The following ATF6B variants were observed in gnomAD, a reference collection of about 807,000 sequenced individuals.
The protein encoded by ATF6B is activating transcription factor 6 beta.
A neutral mutation model predicts 83.5 loss-of-function variants in ATF6B; 50 were observed. The observed-to-expected ratio is 0.60, with a 90% confidence interval of 0.48 to 0.76. The LOEUF is 0.76. ATF6B is among the 30% of genes least tolerant of loss of function. The pLI, the probability that ATF6B is intolerant of heterozygous loss-of-function variation, is 0.00. For synonymous variants in ATF6B, 344 were observed against 362.8 expected (o/e 0.95, Z 0.59); for missense variants, 790 against 893.8 (o/e 0.88, Z 1.48).
chr6:32,128,031 C>G, intron 1 of ATF6B, 86 bp downstream of exon 1: 1 of 1,525,994 alleles, frequency 6.6e-7, no homozygotes, highest in Non-Finnish European at 9.0e-7. Context: ...CCGTATTTGC[C>G]CAGACTTCCT....
rs1192241410 is a variant in ATF6B at position 32,117,865 on chromosome 6, C to G, written c.1418G>C (p.Ser473Thr). The change falls in exon 12 of 18, where the codon AGT becomes ACT. Residue 473 changes from serine (S) to threonine (T), a missense_variant. Ser to Thr is a moderately conservative substitution (Grantham distance 58). This residue lies in a region of ATF6B where 530 missense variants were observed against 632.6 expected (regional missense o/e 0.84). Coordinates refer to ENST00000375203, the MANE Select transcript of ATF6B (RefSeq NM_004381.5). The surrounding 1 kb of genome is among the most constrained non-coding windows in gnomAD (Gnocchi z 5.0). ...CCTCTCTCTCTCTCCTCACCTGAAA[C>G]TGGGCTGGTCTGTGGGGCTGGGCTG... ...EPQPSPTDQP[S>T]FSNLTAFPGG... 6.4e-7 allele frequency: 1 copy of G among 1,563,026 alleles called. No individual in the cohort carries two copies. The highest frequency in any genetic ancestry group is 8.6e-7 in the Non-Finnish European group (1 of 1,158,028).
intron 1 of ATF6B, 158 bp from the exon 2 acceptor site, chr6:32,127,908 C>T (rs1582541240): frequency 7.9e-6 from 8 of 1,017,984 alleles, no homozygotes; most frequent in African/African-American, 1.6e-5. Context: ...CCCTCCTTCC[C>T]CGACCCCGGA....
intron 5 of ATF6B, among the ~76,000 whole-genome samples, chr6:32,121,907 G>C (rs1398041180): frequency 1.3e-5 from 2 of 152,054 alleles, no homozygotes; most frequent in African/African-American, 4.8e-5. Context: ...CCTGCTCCAT[G>C]TTCCTCAAAG....
In ATF6B at chr6:32,126,097, G is replaced by A. The variant is rs770140847; in HGVS notation, c.478+20C>T. On this transcript the variant is annotated intron_variant, in intron 5 of 17. Transcript: ENST00000375203. ...TCTCCCGTAGTAGAGCCAAGGATTG[G>A]GGGCAGGCTGTTTTATTACCTGAGG... 4 of 1,613,794 alleles carry A rather than the reference G, an allele frequency of 2.5e-6. No homozygotes were observed. In the African/African-American group the frequency reaches 5.3e-5, roughly 22 times the overall value.
Position 32,125,735 on chromosome 6 carries a change from C to T in ATF6B, c.478+382G>A, listed in dbSNP as rs375325822. Among the ~76,000 whole-genome samples, 1 of 151,984 alleles carries T rather than the reference C, an allele frequency of 6.6e-6. No individual in the cohort carries two copies. Among genetic ancestry groups the T allele is most frequent in the Non-Finnish European group, 1.5e-5 (1 of 68,004 alleles). ...GAGACCACACCACTGCACTTCAGCC[C>T]GAGCGACAGTGTGAGACTCTGTCTC... On this transcript the variant is annotated intron_variant, in intron 5 of 17. Transcript: ENST00000375203. The surrounding 1 kb of genome is among the most constrained non-coding windows in gnomAD (Gnocchi z 4.1).
chr6:32,128,069 G>A, intron 1 of ATF6B, 48 bp downstream of exon 1: 2 of 1,599,334 alleles, frequency 1.3e-6, no homozygotes, highest in East Asian at 2.2e-5. Flanking sequence ...TTTCCCGCGT[G>A]CCTCAGGGAC....
At position 32,117,561 on chromosome 6, in the gene ATF6B, G is replaced by C. The variant is rs750777834; in HGVS notation, c.1532+26C>G. ...AAGGCCTTGGGAGGCCGGGGGAGCT[G>C]GATGCCCCAGCAATGAATCCCACAC... is the stretch of plus-strand genomic sequence containing the variant. On this transcript the variant is annotated intron_variant, in intron 13 of 17. Coordinates refer to ENST00000375203, the MANE Select transcript of ATF6B (RefSeq NM_004381.5). This position sits in a 1 kb window ranked among gnomAD's most constrained non-coding sequence, Gnocchi z 5.0. 1 of 1,610,076 alleles carries C rather than the reference G, an allele frequency of 6.2e-7. No homozygotes were observed. The highest frequency in any genetic ancestry group is 1.7e-5 in the Admixed American group (1 of 59,796).
rs1243198564 is a variant in ATF6B at position 32,125,596 on chromosome 6, C to A, written c.478+521G>T. ...CCAACATGGTGAAACCCCATCTCTA[C>A]TAAAAATACAAAAAATTAGCTGGGC... is the stretch of plus-strand genomic sequence containing the variant. On this transcript the variant is annotated intron_variant, in intron 5 of 17. Coordinates refer to ENST00000375203, the MANE Select transcript of ATF6B (RefSeq NM_004381.5). The surrounding 1 kb of genome is among the most constrained non-coding windows in gnomAD (Gnocchi z 4.1). Among the ~76,000 whole-genome samples, 1 of 152,038 alleles carries A rather than the reference C, an allele frequency of 6.6e-6. No individual in the cohort carries two copies. Among genetic ancestry groups the A allele is most frequent in the Non-Finnish European group, 1.5e-5 (1 of 68,002 alleles).
chr6:32,115,646 C>T lies in ATF6B; in HGVS notation c.*93G>A, dbSNP rs1411291960. The T allele has an allele frequency of 5.1e-6, 6 of 1,177,946 alleles. No homozygotes were observed. The Admixed American group carries it at 9.1e-5, about 18-fold the overall frequency. 73.0% of individuals were successfully genotyped at this position (1,177,946 alleles called of 1,614,324 possible). A position where few individuals can be genotyped will look rare whatever the true frequency, so the allele number is the denominator to read the frequency against. On this transcript the variant is annotated 3_prime_UTR_variant, in exon 18 of 18. Transcript: ENST00000375203. ...CACCTGCTCTTTCCTTTACCAATTG[C>T]CCCAAGCCTGGGGATCAGGGAAATT...
chr6:32,117,776 G>C lies in ATF6B; in HGVS notation c.1425-82C>G. 1.3e-6 allele frequency: 2 copies of C among 1,577,960 alleles called. No individual in the cohort carries two copies. The highest frequency in any genetic ancestry group is 1.9e-5 in the Admixed American group (1 of 53,038). ...AAGAAGGCGATGACGGCAAGAGAAA[G>C]CTTTGGGTCCCCCTCACTGAAAGCG... On this transcript the variant is annotated intron_variant, in intron 12 of 17. Coordinates refer to ENST00000375203, the MANE Select transcript of ATF6B (RefSeq NM_004381.5). The surrounding 1 kb of genome is among the most constrained non-coding windows in gnomAD (Gnocchi z 5.0).
intron 5 of ATF6B, among the ~76,000 whole-genome samples, chr6:32,123,673 C>A (rs1781855821): frequency 6.6e-6 from 1 of 152,078 alleles, no homozygotes; most frequent in Admixed American, 6.6e-5. Context: ...CAGGTGTGAA[C>A]CACTGTGCCT....
At chr6:32,126,388 AATG>A in intron 4 of ATF6B, 136 bp from the exon 5 acceptor site, 1 of 1,068,524 alleles carries the variant, frequency 9.4e-7, no homozygotes, top group Non-Finnish European at 1.3e-6. Context: ...TTCTGGTCTG[AATG>A]GTACTGACCA....
chr6:32,117,593 G>C lies in ATF6B; in HGVS notation c.1526C>G (p.Ser509Cys). ...SDCRHFNRTE[S>C]LRLADELSGW... is the part of the protein sequence containing the mutation. The stretch of plus-strand genomic sequence containing the variant: ...CCAGCAATGAATCCCACACCTCAGG[G>C]ACTCAGTGCGGTTGAAGTGCCGGCA... Residue 509 changes from serine (S) to cysteine (C), a missense_variant, in exon 13 of 18, where the codon TCC becomes TGC. By Grantham distance (112) the Ser-to-Cys change is moderately radical (BLOSUM62 -1). Around this residue, in one of 3 missense-constraint regions of ATF6B, gnomAD observed 530 missense variants for 632.6 expected, o/e 0.84. Coordinates refer to ENST00000375203, the MANE Select transcript of ATF6B (RefSeq NM_004381.5). The surrounding 1 kb of genome is among the most constrained non-coding windows in gnomAD (Gnocchi z 5.0). The C allele has an allele frequency of 6.2e-7, 1 of 1,613,956 alleles. No individual in the cohort carries two copies. Among genetic ancestry groups the C allele is most frequent in the Non-Finnish European group, 8.5e-7 (1 of 1,179,862 alleles).
intron 1 of ATF6B, 118 bp from the exon 2 acceptor site, chr6:32,127,868 T>C (rs1376472242): frequency 8.4e-7 from 1 of 1,183,654 alleles, no homozygotes; most frequent in Admixed American, 2.1e-5. Flanking sequence ...CCCGCCCACT[T>C]GAAAAGTGAT....
Position 32,118,062 on chromosome 6 carries a change from AC to A in ATF6B, c.1245-25del, listed in dbSNP as rs765533423. On this transcript the variant is annotated intron_variant, in intron 11 of 17. Coordinates refer to ENST00000375203, the MANE Select transcript of ATF6B (RefSeq NM_004381.5). This position sits in a 1 kb window ranked among gnomAD's most constrained non-coding sequence, Gnocchi z 5.2. ...TGCTGTGGATAAAGAAGGACTGAGC[AC>A]AATGAAGAATTTCAGCTGTATCAAG... 1 of 1,613,950 alleles carries A rather than the reference AC, an allele frequency of 6.2e-7. No homozygotes were observed. Among genetic ancestry groups the A allele is most frequent in the South Asian group, 1.1e-5 (1 of 91,086 alleles).
At position 32,116,271 on chromosome 6, in the gene ATF6B, C is replaced by G. The variant is rs1387122769; in HGVS notation, c.1882+209G>C. Among the ~76,000 whole-genome samples, 1 of 152,122 alleles carries G rather than the reference C, an allele frequency of 6.6e-6. No individual in the cohort carries two copies. The highest frequency in any genetic ancestry group is 1.5e-5 in the Non-Finnish European group (1 of 68,016). ...CCCCCGCCTCTGCCCAGTCATCTAC[C>G]CAAGCACCTTCACCAGGGAAGGACC... On this transcript the variant is annotated intron_variant, in intron 17 of 17. Coordinates refer to ENST00000375203, the MANE Select transcript of ATF6B (RefSeq NM_004381.5). This position sits in a 1 kb window ranked among gnomAD's most constrained non-coding sequence, Gnocchi z 5.1.
In ATF6B at chr6:32,119,764, G is replaced by A; in HGVS notation, c.966+60C>T. 6.3e-7 allele frequency: 1 copy of A among 1,588,542 alleles called. No individual in the cohort carries two copies. Among genetic ancestry groups the A allele is most frequent in the Non-Finnish European group, 8.6e-7 (1 of 1,164,980 alleles). On this transcript the variant is annotated intron_variant, in intron 9 of 17. Coordinates refer to ENST00000375203, the MANE Select transcript of ATF6B (RefSeq NM_004381.5). This position sits in a 1 kb window ranked among gnomAD's most constrained non-coding sequence, Gnocchi z 4.9. ...TCCTCATCCCACAGTTCTCTCTATG[G>A]CAAGACTTCCCTCTTCCCTTCCCAT... is the stretch of plus-strand genomic sequence containing the variant.
chr6:32,116,495 C>T lies in ATF6B; in HGVS notation c.1867G>A (p.Ala623Thr). ...AAAGAGTTACCATTGGGGGCCATGGCAGGCATCACCAGGGACATCTTGGGC... is the reference window on the plus strand; with the variant it reads ...AAAGAGTTACCATTGGGGGCCATGGTAGGCATCACCAGGGACATCTTGGGC... ...SRPKMSLVMP[A>T]MAPNETLSGR... Residue 623 changes from alanine (A) to threonine (T), a missense_variant, in exon 17 of 18, where the codon GCC becomes ACC. Transcript: ENST00000375203. The surrounding 1 kb of genome is among the most constrained non-coding windows in gnomAD (Gnocchi z 5.1). 1 of 1,608,690 alleles carries T rather than the reference C, an allele frequency of 6.2e-7. No homozygotes were observed. The highest frequency in any genetic ancestry group is 8.5e-7 in the Non-Finnish European group (1 of 1,177,162).
chr6:32,127,680 C>T lies in ATF6B; in HGVS notation c.162G>A (p.Gln54=). 6.2e-7 allele frequency: 1 copy of T among 1,614,220 alleles called. No homozygotes were observed. The highest frequency in any genetic ancestry group is 2.2e-5 in the East Asian group (1 of 44,886). Residue 54 remains glutamine, a synonymous_variant, in exon 2 of 18, where the codon CAG becomes CAA. Transcript: ENST00000375203. ...EQTQLFRCPE[Q]DVPFDGSSLD... ...GCTGGGGACACAATACCGGGACATC[C>T]TGCTCCGGGCAACGGAAGAGCTGCG...
Sources: allele counts gnomAD v4.1 joint callset (sites outside exome capture counted in the v4.1 genomes callset), GRCh38; gene constraint gnomAD v4.1.1; regional missense constraint gnomAD v4.1.1; non-coding constraint Gnocchi (gnomAD v3.1); transcripts MANE v1.5; gene names NCBI Gene and HGNC (gene_info 2026-07-23, HGNC 2026-07-21).